The following MCCC1 variants were observed in gnomAD, a reference collection of about 807,000 sequenced individuals.
MCCC1 encodes methylcrotonoyl-CoA carboxylase subunit alpha, mitochondrial.
A neutral mutation model predicts 83.8 loss-of-function variants in MCCC1; 64 were observed. That is an observed-to-expected ratio of 0.76 (90% CI 0.62 to 0.94). MCCC1 has a LOEUF of 0.94. Ranked by LOEUF, MCCC1 falls within the 40% of genes least tolerant of loss-of-function variation. The pLI is 0.00. For missense variants in MCCC1, 807 were observed against 904.7 expected (o/e 0.89, Z 1.39); for synonymous variants, 322 against 315.4 (o/e 1.02, Z -0.22).
chr3:183,073,317 TTCTGTC>T (rs1716833552), intron 4 of MCCC1, among the ~76,000 whole-genome samples: 1 of 152,324 alleles, frequency 6.6e-6, no homozygotes, highest in East Asian at 1.9e-4. Flanking sequence ...AATTTGTCTA[TTCTGTC>T]TCTGTGTAAA....
chr3:183,100,468 T>C (rs1188104971), upstream of MCCC1, among the ~76,000 whole-genome samples: 1 of 152,342 alleles, frequency 6.6e-6, no homozygotes, highest in East Asian at 1.9e-4. Flanking sequence ...CCTCCATGTC[T>C]TGCAAGAAAA....
At chr3:183,085,657 A>G (rs1350452714) in intron 4 of MCCC1, among the ~76,000 whole-genome samples, 1 of 143,312 alleles carries the variant, frequency 7.0e-6, no homozygotes, top group Non-Finnish European at 1.5e-5. Flanking sequence ...AAAAAAAAGA[A>G]TGTTCTAAAT....
chr3:183,087,196 T>C (rs193226601), intron 3 of MCCC1, among the ~76,000 whole-genome samples: 1 of 152,352 alleles, frequency 6.6e-6, no homozygotes, highest in East Asian at 1.9e-4. Flanking sequence ...CAAAGTTGAT[T>C]AAAGTTTATA....
chr3:183,052,512 A>G (rs901477260), intron 8 of MCCC1, among the ~76,000 whole-genome samples: 1 of 152,204 alleles, frequency 6.6e-6, no homozygotes, highest in Non-Finnish European at 1.5e-5. Flanking sequence ...CATTATACAA[A>G]AGTATAGCAC....
upstream of MCCC1, among the ~76,000 whole-genome samples, chr3:183,104,297 G>T (rs888432724): frequency 6.6e-6 from 1 of 152,136 alleles, no homozygotes; most frequent in Admixed American, 6.5e-5. Context: ...CTGCCAGCAC[G>T]CTGTCACCTC....
At chr3:183,084,507 G>C (rs778563190) in intron 4 of MCCC1, among the ~76,000 whole-genome samples, 3 of 152,054 alleles carry the variant, frequency 2.0e-5, no homozygotes, top group Non-Finnish European at 2.9e-5. Context: ...AACCAAAAAA[G>C]CTTCATAAAC....
At chr3:183,051,510 A>AG (rs920265109) in intron 9 of MCCC1, among the ~76,000 whole-genome samples, 6 of 152,120 alleles carry the variant, frequency 3.9e-5, no homozygotes, top group African/African-American at 1.4e-4. Flanking sequence ...GCCGGGGTTT[A>AG]GGGGGGATGA....
chr3:183,066,418 C>T (rs1395915678), intron 7 of MCCC1, among the ~76,000 whole-genome samples: 1 of 152,196 alleles, frequency 6.6e-6, no homozygotes, highest in Non-Finnish European at 1.5e-5. Context: ...GATTCTCGTG[C>T]CTCAGCCTCC....
At chr3:183,106,209 A>G (rs1469574936) in intron 1 of MCCC1, among the ~76,000 whole-genome samples, 2 of 152,060 alleles carry the variant, frequency 1.3e-5, no homozygotes, top group African/African-American at 2.4e-5. Flanking sequence ...GGCATCACCC[A>G]TGTTATTCAT....
intron 12 of MCCC1, among the ~76,000 whole-genome samples, chr3:183,038,515 T>C (rs934985200): frequency 2.0e-5 from 3 of 152,142 alleles, no homozygotes; most frequent in African/African-American, 4.8e-5. Flanking sequence ...GCCAAATCAA[T>C]GTGGTATGGG....
At chr3:183,092,298 T>C in intron 3 of MCCC1, 111 bp downstream of exon 3, 2 of 1,382,020 alleles carry the variant, frequency 1.4e-6, no homozygotes, top group East Asian at 4.7e-5. Flanking sequence ...TGAACTTACC[T>C]ACTTCAACCC....
At chr3:183,085,499 T>C (rs1264140681) in intron 4 of MCCC1, among the ~76,000 whole-genome samples, 1 of 151,920 alleles carries the variant, frequency 6.6e-6, no homozygotes, top group Non-Finnish European at 1.5e-5. Flanking sequence ...TGTGATGGCA[T>C]GCGCCTGTGG....
rs908771933 is a variant in MCCC1, at chr3:183,034,010, A to G, written c.1662T>C (p.Thr554=). 1.2e-6 allele frequency: 2 copies of G among 1,607,490 alleles called. No individual in the cohort carries two copies. Among genetic ancestry groups the G allele is most frequent in the African/African-American group, 1.3e-5 (1 of 74,774 alleles). The change falls in exon 14 of 19, where the codon ACT becomes ACC. Residue 554 remains threonine (T), a synonymous_variant. Coordinates refer to ENST00000265594, the MANE Select transcript of MCCC1 (RefSeq NM_020166.5). ...ACTTACTGTTTTTACCATCTTTAAG[A>G]GTCATGTTTCTGGTATACGAGATAT... ...RLNISYTRNM[T]LKDGKNNVAI...
intron 4 of MCCC1, among the ~76,000 whole-genome samples, chr3:183,079,564 C>T (rs1717335987): frequency 6.6e-6 from 1 of 152,190 alleles, no homozygotes; most frequent in African/African-American, 2.4e-5. Flanking sequence ...CTCCTGGCAG[C>T]TTTCACAGGC....
chr3:183,020,022 CT>C, intron 17 of MCCC1, 107 bp downstream of exon 17: 1 of 830,352 alleles, frequency 1.2e-6, no homozygotes, highest in Non-Finnish European at 2.0e-6. Context: ...GAAGTGGATG[CT>C]TTCCAATGAG....
At chr3:183,091,096 C>T (rs1718296957) in intron 3 of MCCC1, 2 of 454,224 alleles carry the variant, frequency 4.4e-6, no homozygotes, top group Admixed American at 4.7e-5. Flanking sequence ...TTGAAATACT[C>T]ATTGCACAGA....
rs76391625 is a variant in MCCC1 at position 183,061,220 on chromosome 3, C to T, written c.762-3798G>A. ...ATTAAATCTCAAGTCTTTTAGTGGT[C>T]CTGTGTTTGTGCTGCGAAGTATTTC... On this transcript the variant is annotated intron_variant, in intron 7 of 18. Transcript: ENST00000265594. Among the ~76,000 whole-genome samples, 557 of 152,118 alleles carry T rather than the reference C, an allele frequency of 3.7e-3. 5 individuals carry two copies. The highest frequency in any genetic ancestry group is 0.013 in the African/African-American group (535 of 41,472).
Position 183,088,210 on chromosome 3 carries a change from G to GTT in MCCC1, c.274-1424_274-1423dup, listed in dbSNP as rs1553866733. On this transcript the variant is annotated intron_variant, in intron 3 of 18. Transcript: ENST00000265594. ...TTTGTTGTTGTTGTTGTTGTTGTGT[G>GTT]TTTTTTTTTTTTTTTGAGGTAAGTC... 2.6e-3 allele frequency among the ~76,000 whole-genome samples: 367 copies of GTT among 139,660 alleles called. 1 individual carries two copies. The highest frequency in any genetic ancestry group is 3.2e-3 in the Non-Finnish European group (206 of 64,282). The allele number at this position is 139,660 out of a possible 152,430, so 91.6% of individuals were successfully genotyped here.
chr3:183,037,232 G>A lies in MCCC1; in HGVS notation c.1580C>T (p.Thr527Ile), dbSNP rs1446858208. 6.2e-7 allele frequency: 1 copy of A among 1,613,674 alleles called. No individual in the cohort carries two copies. The highest frequency in any genetic ancestry group is 1.8e-4 in the Middle Eastern group (1 of 5,668). Residue 527 changes from threonine to isoleucine, a missense_variant, in exon 13 of 19, where the codon ACT (threonine) becomes ATT (isoleucine). Coordinates refer to ENST00000265594, the MANE Select transcript of MCCC1 (RefSeq NM_020166.5). ...GCCTTCCATACCATGTGCCTGAAGA[G>A]TGAAAGTGTCGGTCATGGCTTTCTC... ...LKEKAMTDTF[T>I]LQAHDQFSPF...
Sources: allele counts gnomAD v4.1 joint callset (sites outside exome capture counted in the v4.1 genomes callset), GRCh38; gene constraint gnomAD v4.1.1; transcripts MANE v1.5; gene names NCBI Gene and HGNC (gene_info 2026-07-23, HGNC 2026-07-21).